Variants in FBLN2 observed in about 807,000 individuals in gnomAD.
The protein encoded by FBLN2 is fibulin-2.
Under a neutral mutation model 123.7 loss-of-function variants are expected in FBLN2, and 81 were observed. That is an observed-to-expected ratio of 0.65 (90% confidence interval 0.55 to 0.79). The LOEUF is 0.79. Ranked by LOEUF, FBLN2 falls within the 30% of genes least tolerant of loss-of-function variation. The probability of loss-of-function intolerance (pLI) is 0.00; values close to 1 mark genes in which losing one functional copy is unlikely to be tolerated. For missense variants in FBLN2, 1,603 were observed against 1,681.3 expected (o/e 0.95, Z 0.81); for synonymous variants, 699 against 701.4 (o/e 1.00, Z 0.05).
intron 4 of FBLN2, among the ~76,000 whole-genome samples, chr3:13,610,293 G>A (rs974557553): frequency 7.2e-5 from 11 of 152,174 alleles, no homozygotes; most frequent in African/African-American, 2.2e-4. Flanking sequence ...GGCCATCATC[G>A]GAAGGACTGT....
At chr3:13,621,091 A>G (rs1303991052) in intron 8 of FBLN2, among the ~76,000 whole-genome samples, 1 of 152,142 alleles carries the variant, frequency 6.6e-6, no homozygotes, top group East Asian at 1.9e-4. Context: ...CTGCTCATGC[A>G]GCCTAGCCCA....
intron 2 of FBLN2, among the ~76,000 whole-genome samples, chr3:13,581,806 G>A (rs561039367): frequency 5.1e-4 from 77 of 152,146 alleles, no homozygotes; most frequent in Non-Finnish European, 8.5e-4. Flanking sequence ...AAGGGATTAC[G>A]AGTCCCTTCC....
chr3:13,631,291 G>C (rs770842824), intron 15 of FBLN2, 38 bp from the exon 16 acceptor site: 364 of 1,587,312 alleles, frequency 2.3e-4, no homozygotes, highest in Non-Finnish European at 3.0e-4. Context: ...CTCTGTGGGT[G>C]GACGAGGTTC....
At chr3:13,633,040 C>T (rs1046241045) in intron 16 of FBLN2, among the ~76,000 whole-genome samples, 1 of 152,342 alleles carries the variant, frequency 6.6e-6, no homozygotes, top group Non-Finnish European at 1.5e-5. Flanking sequence ...GACATTTGCT[C>T]TTGGAGGAGT....
chr3:13,571,557 C>T lies in FBLN2; in HGVS notation c.1202C>T (p.Pro401Leu). 1.2e-6 allele frequency: 2 copies of T among 1,613,602 alleles called. No homozygotes were observed. The highest frequency in any genetic ancestry group is 1.7e-6 in the Non-Finnish European group (2 of 1,179,824). Residue 401 changes from proline (P) to leucine (L), a missense_variant, in exon 2 of 18, where the codon CCC (proline) becomes CTC (leucine). Transcript: ENST00000404922. ...TSLPDAAWIPPTREVPRKPQV... is the reference protein window; with the variant it reads ...TSLPDAAWIPLTREVPRKPQV... Reference sequence around the variant, plus strand: ...CTGCCTGATGCAGCCTGGATCCCACCCACCCGAGAAGTGCCCAGGAAGCCG... The same window carrying T: ...CTGCCTGATGCAGCCTGGATCCCACTCACCCGAGAAGTGCCCAGGAAGCCG...
rs190279503 is a variant in FBLN2 at position 13,549,627 on chromosome 3, C to T, written c.-42+419C>T. ...GCCCCTCCAGTCCAGAGGGCCGGGTCAACCCCCTCGGGGAAAGAAGACTAG... is the reference window on the plus strand; with the variant it reads ...GCCCCTCCAGTCCAGAGGGCCGGGTTAACCCCCTCGGGGAAAGAAGACTAG... On this transcript the variant is annotated intron_variant, in intron 1 of 17. Transcript: ENST00000404922. Among the ~76,000 whole-genome samples, 77 of 148,936 alleles carry T rather than the reference C, an allele frequency of 5.2e-4. 1 individual carries two copies. The East Asian group carries it at 0.014, about 28-fold the overall frequency.
intron 3 of FBLN2, among the ~76,000 whole-genome samples, chr3:13,609,107 G>A (rs1705302235): frequency 6.6e-6 from 1 of 152,226 alleles, no homozygotes; most frequent in South Asian, 2.1e-4. Context: ...CTCTGCAGCT[G>A]ATTTGTCAGC....
chr3:13,618,873 T>C (rs1185601850), intron 6 of FBLN2, 31 bp from the exon 7 acceptor site: 1 of 1,571,552 alleles, frequency 6.4e-7, no homozygotes, highest in Admixed American at 1.8e-5. Flanking sequence ...GAGACCTCCC[T>C]GCAACCCCCA....
rs1204871691 is a variant in FBLN2, at chr3:13,571,250, G to A, written c.895G>A (p.Gly299Ser). The stretch of plus-strand genomic sequence containing the variant: ...GGCTGTCACTGAGCAGCTGGCAGCA[G>A]GTGGCCACAGGGGGCTGGATGGGCT... ...EMAVTEQLAA[G>S]GHRGLDGLPT... The change falls in exon 2 of 18, where the codon GGT (glycine) becomes AGT (serine). Residue 299 changes from glycine (G) to serine (S), a missense_variant. Coordinates refer to ENST00000404922, the MANE Select transcript of FBLN2 (RefSeq NM_001004019.2). 1 of 1,568,022 alleles carries A rather than the reference G, an allele frequency of 6.4e-7. No homozygotes were observed. Among genetic ancestry groups the A allele is most frequent in the Admixed American group, 1.9e-5 (1 of 52,232 alleles).
intron 2 of FBLN2, among the ~76,000 whole-genome samples, chr3:13,591,880 C>G (rs1020373582): frequency 4.6e-5 from 7 of 152,122 alleles, no homozygotes; most frequent in Non-Finnish European, 8.8e-5. Context: ...AATCAAAATT[C>G]AGTTTTTTAC....
chr3:13,585,798 G>GCAAAA (rs998977982), intron 2 of FBLN2, among the ~76,000 whole-genome samples: 2 of 152,022 alleles, frequency 1.3e-5, no homozygotes, highest in Non-Finnish European at 2.9e-5. Context: ...TCTCAAAAAA[G>GCAAAA]CAAAACAAAA....
At position 13,609,426 on chromosome 3, in the gene FBLN2, G is replaced by C; in HGVS notation, c.1419-87G>C. 4 of 1,429,652 alleles carry C rather than the reference G, an allele frequency of 2.8e-6. No homozygotes were observed. In the South Asian group the frequency reaches 6.1e-5, roughly 22 times the overall value. 88.6% of individuals were successfully genotyped at this position (1,429,652 alleles called of 1,614,324 possible). A position where few individuals can be genotyped will look rare whatever the true frequency, so the allele number is the denominator to read the frequency against. ...GCTCCCTTGCTGTGGACCTTGGGCAGAGCTTCCCTCCTCTGAGCCTCACTC... is the reference window on the plus strand; with the variant it reads ...GCTCCCTTGCTGTGGACCTTGGGCACAGCTTCCCTCCTCTGAGCCTCACTC... On this transcript the variant is annotated intron_variant, in intron 3 of 17. Coordinates refer to ENST00000404922, the MANE Select transcript of FBLN2 (RefSeq NM_001004019.2).
intron 2 of FBLN2, among the ~76,000 whole-genome samples, chr3:13,581,064 C>CA (rs1358963010): frequency 1.3e-5 from 2 of 152,176 alleles, no homozygotes; most frequent in Non-Finnish European, 2.9e-5. Flanking sequence ...ATTAGAAACA[C>CA]ACAGGTGTTT....
chr3:13,637,024 A>T (rs114721720), intron 17 of FBLN2, among the ~76,000 whole-genome samples: 19,351 of 152,220 alleles, frequency 0.13, 1,593 homozygotes, highest in Non-Finnish European at 0.19. Flanking sequence ...GCTCCGCATC[A>T]CATGAGCCCC....
At position 13,584,597 on chromosome 3, in the gene FBLN2, A is replaced by C. The variant is rs922839725; in HGVS notation, c.1306+12936A>C. Among the ~76,000 whole-genome samples the C allele has an allele frequency of 2.0e-5, 3 of 152,228 alleles. 1 individual carries two copies. Among genetic ancestry groups the C allele is most frequent in the South Asian group, 4.1e-4 (2 of 4,822 alleles). On this transcript the variant is annotated intron_variant, in intron 2 of 17. Transcript: ENST00000404922. Reference sequence around the variant, plus strand: ...GGCTCCAGGGAGTAGCCGTGGCCATAGGTAGAGGCAACTGTGCCTGTATGG... The same window carrying C: ...GGCTCCAGGGAGTAGCCGTGGCCATCGGTAGAGGCAACTGTGCCTGTATGG...
At chr3:13,571,993 G>A (rs1176617150) in intron 2 of FBLN2, among the ~76,000 whole-genome samples, 3 of 152,170 alleles carry the variant, frequency 2.0e-5, no homozygotes, top group Non-Finnish European at 2.9e-5. Flanking sequence ...GCCTCAGCCC[G>A]GTAGGCCCCC....
Position 13,571,309 on chromosome 3 carries a change from T to C in FBLN2, c.954T>C (p.Pro318=). Residue 318 remains proline (P), a synonymous_variant, in exon 2 of 18, where the codon CCT becomes CCC. Transcript: ENST00000404922. ...PTTAPAGPSL[P]IQEERAEAGA... is the part of the protein sequence containing the mutation. ...CAGCCCCAGCTGGACCCAGTCTTCC[T>C]ATCCAGGAGGAGAGGGCAGAAGCTG... 4.4e-6 allele frequency: 7 copies of C among 1,594,850 alleles called. No homozygotes were observed. The highest frequency in any genetic ancestry group is 5.1e-6 in the Non-Finnish European group (6 of 1,171,254).
chr3:13,610,915 T>A (rs1426300432), intron 4 of FBLN2, among the ~76,000 whole-genome samples: 1 of 145,010 alleles, frequency 6.9e-6, no homozygotes, highest in Non-Finnish European at 1.5e-5. Flanking sequence ...TTATTATTAT[T>A]ATTATTATTA....
intron 2 of FBLN2, among the ~76,000 whole-genome samples, chr3:13,572,052 G>C (rs543594956): frequency 6.6e-6 from 1 of 152,340 alleles, no homozygotes; most frequent in African/African-American, 2.4e-5. Flanking sequence ...CAGCTGCCCC[G>C]GTGGCTGGCC....
Sources: gnomAD v4.1 joint callset for allele counts (sites outside exome capture counted in the v4.1 genomes callset) on GRCh38, gnomAD v4.1.1 for gene constraint, MANE v1.5 for transcripts, NCBI Gene and HGNC (gene_info 2026-07-23, HGNC 2026-07-21) for gene names.